Variants in ELAC2 observed in about 807,000 individuals in gnomAD.
ELAC2 encodes elaC ribonuclease Z 2.
Under a neutral mutation model 105.2 loss-of-function variants are expected in ELAC2, and 92 were observed. The ratio of observed to expected loss-of-function variants is 0.87; its 90% CI spans 0.74 to 1.04. The LOEUF is 1.04. Ranked by LOEUF, ELAC2 falls within the 50% of genes least tolerant of loss-of-function variation. The pLI, the probability that ELAC2 is intolerant of heterozygous loss-of-function variation, is 0.00. For synonymous variants in ELAC2, 468 were observed against 409.1 expected (o/e 1.14, Z -1.74); for missense variants, 1,099 against 1,071.7 (o/e 1.03, Z -0.36).
rs578049996 is a variant in ELAC2 at position 13,007,264 on chromosome 17, GTGC to G, written c.739-1288_739-1286del. Among the ~76,000 whole-genome samples the G allele has an allele frequency of 2.6e-5, 4 of 152,040 alleles. No individual in the cohort carries two copies. In the South Asian group the frequency reaches 8.3e-4, roughly 31 times the overall value. On this transcript the variant is annotated intron_variant, in intron 8 of 23. Coordinates refer to ENST00000338034, the MANE Select transcript of ELAC2 (RefSeq NM_018127.7). ...TCAGAAATGACATGTAGGCCTTTGA[GTGC>G]TAAATGACATTTGATTTCCATTTTC...
At chr17:13,009,251 C>T (rs1157869739) in intron 8 of ELAC2, among the ~76,000 whole-genome samples, 1 of 151,890 alleles carries the variant, frequency 6.6e-6, no homozygotes, top group Non-Finnish European at 1.5e-5. Context: ...TACTTACTTT[C>T]ATTATTATTT....
chr17:12,993,649 C>A, intron 23 of ELAC2, 38 bp downstream of exon 23: 1 of 1,613,668 alleles, frequency 6.2e-7, no homozygotes, highest in African/African-American at 1.3e-5. Context: ...GTCTCCCTGC[C>A]CCGTCCCCGC....
Position 13,005,050 on chromosome 17 carries a change from C to T in ELAC2, c.922G>A (p.Val308Met). 3 of 1,614,208 alleles carry T rather than the reference C, an allele frequency of 1.9e-6. No individual in the cohort carries two copies. Among genetic ancestry groups the T allele is most frequent in the Non-Finnish European group, 2.5e-6 (3 of 1,180,036 alleles). ...AAGCTTTCATCTGGACATTCTACCA[C>T]CACAAAAGCAGCACCAGGATCTGGA... is the stretch of plus-strand genomic sequence containing the variant. ...TPPDPGAAFVVVECPDESFIQ... is the reference protein window; with the variant it reads ...TPPDPGAAFVMVECPDESFIQ... The change falls in exon 11 of 24, where the codon GTG (valine) becomes ATG (methionine). Residue 308 changes from valine (V) to methionine (M), a missense_variant. Val to Met is a conservative substitution (Grantham distance 21). Transcript: ENST00000338034.
chr17:12,996,813 A>G, intron 16 of ELAC2, 128 bp from the exon 17 acceptor site: 1 of 1,280,598 alleles, frequency 7.8e-7, no homozygotes, highest in Non-Finnish European at 1.1e-6. Context: ...CTTTGCTTTG[A>G]GGAGCTAATA....
intron 18 of ELAC2, 23 bp downstream of exon 18, chr17:12,995,917 C>T (rs377346238): frequency 7.2e-5 from 114 of 1,589,426 alleles, no homozygotes; most frequent in East Asian, 3.2e-4. Context: ...AAACTCAGAA[C>T]GCCCATCAAG....
At chr17:12,995,292 C>T (rs960249367) in intron 19 of ELAC2, among the ~76,000 whole-genome samples, 3 of 152,162 alleles carry the variant, frequency 2.0e-5, no homozygotes, top group Non-Finnish European at 2.9e-5. Flanking sequence ...TCAGGCAGCA[C>T]GGGCCACGGA....
chr17:12,995,926 A>G lies in ELAC2; in HGVS notation c.1698+14T>C, dbSNP rs2040445878. The G allele has an allele frequency of 6.3e-7, 1 of 1,592,416 alleles. No homozygotes were observed. The highest frequency in any genetic ancestry group is 1.1e-5 in the South Asian group (1 of 87,858). ...CCGCTGAAACTCAGAACGCCCATCA[A>G]GTGCCACACTTACCAAGGCGCGTTC... On this transcript the variant is annotated intron_variant, in intron 18 of 23. Coordinates refer to ENST00000338034, the MANE Select transcript of ELAC2 (RefSeq NM_018127.7).
intron 16 of ELAC2, among the ~76,000 whole-genome samples, chr17:12,997,520 G>A (rs1460083043): frequency 6.6e-6 from 1 of 152,102 alleles, no homozygotes; most frequent in East Asian, 1.9e-4. Context: ...AAAGCTGCTC[G>A]CAGGGTGTCA....
At chr17:13,013,746 G>C (rs967889652) in intron 5 of ELAC2, among the ~76,000 whole-genome samples, 1 of 152,164 alleles carries the variant, frequency 6.6e-6, no homozygotes, top group Admixed American at 6.5e-5. Context: ...TTCCCATCAA[G>C]AGGCTGTAAG....
rs2143547707 is a variant in ELAC2, at chr17:12,993,752, C to A, written c.2188G>T (p.Ala730Ser). 1 of 1,614,182 alleles carries A rather than the reference C, an allele frequency of 6.2e-7. No homozygotes were observed. Among genetic ancestry groups the A allele is most frequent in the Non-Finnish European group, 8.5e-7 (1 of 1,180,032 alleles). The change falls in exon 23 of 24, where the codon GCC becomes TCC. Residue 730 changes from alanine (A) to serine (S), a missense_variant. Transcript: ENST00000338034. The part of the protein sequence containing the change: ...IMLNHFSQRY[A>S]KVPLFSPNFS... ...TTGGGGCTGAAGAGGGGGACCTTGG[C>A]ATAGCGCTGGCTGAAGTGGTTCAGC...
intron 4 of ELAC2, among the ~76,000 whole-genome samples, 187 bp downstream of exon 4, chr17:13,015,581 G>A (rs889917671): frequency 6.6e-6 from 1 of 152,112 alleles, no homozygotes; most frequent in Non-Finnish European, 1.5e-5. Flanking sequence ...AGCTCAGAAA[G>A]GTAAAGTAAC....
rs769600654 is a variant in ELAC2 at position 12,992,051 on chromosome 17, C to CTT, written c.*765_*766dup. Among the ~76,000 whole-genome samples the CTT allele has an allele frequency of 1.4e-4, 21 of 152,296 alleles. No homozygotes were observed. The highest frequency in any genetic ancestry group is 3.4e-3 in the Middle Eastern group (1 of 294). ...CAACACAGCAAATCTATTGTCTCCA[C>CTT]TTTTACCCAGAACCACCAGAAGACT... On this transcript the variant is annotated 3_prime_UTR_variant, in exon 24 of 24. Coordinates refer to ENST00000338034, the MANE Select transcript of ELAC2 (RefSeq NM_018127.7).
chr17:13,003,421 G>A lies in ELAC2; in HGVS notation c.1079+58C>T, dbSNP rs565033963. 1.2e-4 allele frequency: 187 copies of A among 1,496,668 alleles called. No homozygotes were observed. The South Asian group carries it at 2.1e-3, about 17-fold the overall frequency. 92.7% of individuals were successfully genotyped at this position (1,496,668 alleles called of 1,614,324 possible). A position where few individuals can be genotyped will look rare whatever the true frequency, so the allele number is the denominator to read the frequency against. ...TGGAAAGAGCACGAGGGGAGGAAAG[G>A]GGAATCCACCACTGCCCAGAAGAGT... On this transcript the variant is annotated intron_variant, in intron 12 of 23. Coordinates refer to ENST00000338034, the MANE Select transcript of ELAC2 (RefSeq NM_018127.7).
intron 17 of ELAC2, 44 bp downstream of exon 17, chr17:12,996,503 T>C (rs1477623268): frequency 1.7e-5 from 27 of 1,612,784 alleles, no homozygotes; most frequent in Middle Eastern, 1.6e-4. Flanking sequence ...AACGTGGCAG[T>C]GCCTCCTCCA....
Position 12,992,974 on chromosome 17 carries a change from G to A in ELAC2, c.2325C>T (p.Ile775=), listed in dbSNP as rs775479429. 10 of 1,610,556 alleles carry A rather than the reference G, an allele frequency of 6.2e-6. No homozygotes were observed. Among genetic ancestry groups the A allele is most frequent in the East Asian group, 2.2e-5 (1 of 44,858 alleles). Residue 775 remains isoleucine, a synonymous_variant, in exon 24 of 24, where the codon ATC becomes ATT. Coordinates refer to ENST00000338034, the MANE Select transcript of ELAC2 (RefSeq NM_018127.7). The stretch of plus-strand genomic sequence containing the variant: ...TCTCCCTGCGCTCCTCCATCTCCTC[G>A]ATGTCGCCAGCAAACAGGGCTTTCA... ...PPLKALFAGD[I]EEMEERREKR... is the part of the protein sequence containing the mutation.
intron 11 of ELAC2, among the ~76,000 whole-genome samples, chr17:13,004,654 A>C (rs1381167702): frequency 6.6e-6 from 1 of 152,230 alleles, no homozygotes; most frequent in African/African-American, 2.4e-5. Flanking sequence ...AAGAAAATTA[A>C]TTCAGTTCAA....
chr17:13,011,791 TAC>T lies in ELAC2; in HGVS notation c.560-11_560-10del. On this transcript the variant is annotated splice_polypyrimidine_tract_variant and intron_variant, in intron 6 of 23. Transcript: ENST00000338034. ...TCCCCTCCTCTGTTCACCTGGTCAG[TAC>T]AGATACCACCAAATTACACACTGCA... 1 of 1,614,130 alleles carries T rather than the reference TAC, an allele frequency of 6.2e-7. No homozygotes were observed. The highest frequency in any genetic ancestry group is 8.5e-7 in the Non-Finnish European group (1 of 1,180,024).
intron 8 of ELAC2, among the ~76,000 whole-genome samples, chr17:13,009,990 C>CAAAAAAAAAA (rs1157775345): frequency 0.02 from 1,490 of 75,910 alleles, 65 homozygotes; most frequent in African/African-American, 0.062. Flanking sequence ...GACATGGTCT[C>CAAAAAAAAAA]AAAAAAAAAA....
chr17:12,993,603 C>T (rs2040314400), intron 23 of ELAC2, 84 bp downstream of exon 23: 1 of 1,598,746 alleles, frequency 6.3e-7, no homozygotes, highest in South Asian at 1.1e-5. Context: ...AGAAAGCAAA[C>T]TCCAGCTGAC....
Sources: allele counts gnomAD v4.1 joint callset (sites outside exome capture counted in the v4.1 genomes callset), GRCh38; gene constraint gnomAD v4.1.1; transcripts MANE v1.5; gene names NCBI Gene and HGNC (gene_info 2026-07-23, HGNC 2026-07-21).